NPLOC4: variants seen among roughly 807,000 people sequenced by gnomAD.
The protein encoded by NPLOC4 is NPL4 homolog, ubiquitin recognition factor.
A neutral mutation model predicts 80.6 loss-of-function variants in NPLOC4; 18 were observed. That is an observed-to-expected ratio of 0.22 (90% CI 0.15 to 0.33). The LOEUF (loss-of-function observed/expected upper bound fraction) is 0.33, where lower values mean the gene tolerates loss of function less well. Ranked by LOEUF, NPLOC4 falls within the 10% of genes least tolerant of loss-of-function variation. The pLI is 1.00. For missense variants in NPLOC4, 540 were observed against 786.1 expected, an observed-to-expected ratio of 0.69 and a Z score of 3.74; for synonymous variants, 313 against 301.5, an observed-to-expected ratio of 1.04 and a Z score of -0.39.
At chr17:81,559,465 G>C in intron 16 of NPLOC4, 49 bp from the exon 17 acceptor site, 1 of 1,552,706 alleles carries the variant, frequency 6.4e-7, no homozygotes, top group Non-Finnish European at 8.7e-7. Context: ...GCCCACCAGA[G>C]ACTGCCAGAG....
chr17:81,629,666 TGGCAG>T, intron 2 of NPLOC4, 54 bp downstream of exon 2: 3 of 1,220,222 alleles, frequency 2.5e-6, no homozygotes, highest in Non-Finnish European at 2.4e-6. Flanking sequence ...AAGGTATCGA[TGGCAG>T]TAAGAGTAGA....
Position 81,610,666 on chromosome 17 carries a change from A to C in NPLOC4, c.387-408T>G, listed in dbSNP as rs1034884706. On this transcript the variant is annotated intron_variant, in intron 4 of 16. Transcript: ENST00000331134. ...GGTATCCACTGCTTAAAATGACACAAACCAGGCCGGGCGCGGTGGCTCACG... is the reference window on the plus strand; with the variant it reads ...GGTATCCACTGCTTAAAATGACACACACCAGGCCGGGCGCGGTGGCTCACG... 2.9e-5 allele frequency among the ~76,000 whole-genome samples: 3 copies of C among 102,978 alleles called. 1 individual carries two copies. Among genetic ancestry groups the C allele is most frequent in the Non-Finnish European group, 7.8e-5 (3 of 38,598 alleles). 67.6% of individuals were successfully genotyped at this position (102,978 alleles called of 152,430 possible).
At chr17:81,591,349 C>T (rs774115607) in intron 11 of NPLOC4, among the ~76,000 whole-genome samples, 9 of 148,398 alleles carry the variant, frequency 6.1e-5, no homozygotes, top group Non-Finnish European at 8.9e-5. Flanking sequence ...GCAGGAGAAT[C>T]GCTTGACCCC....
At chr17:81,603,738 A>T (rs929677018) in intron 8 of NPLOC4, among the ~76,000 whole-genome samples, 3 of 152,136 alleles carry the variant, frequency 2.0e-5, no homozygotes, top group Non-Finnish European at 4.4e-5. Context: ...CCATCAATTC[A>T]TTTTATTTTT....
chr17:81,629,456 G>A (rs2035878145), intron 2 of NPLOC4, among the ~76,000 whole-genome samples: 1 of 152,080 alleles, frequency 6.6e-6, no homozygotes, highest in African/African-American at 2.4e-5. Flanking sequence ...CCGAAGTGCT[G>A]GGATTACAGG....
intron 12 of NPLOC4, among the ~76,000 whole-genome samples, chr17:81,575,261 G>A (rs556539470): frequency 1.6e-4 from 25 of 152,194 alleles, no homozygotes; most frequent in South Asian, 4.1e-4. Context: ...CACCACGCCC[G>A]GCTAATTTTT....
chr17:81,634,730 T>C (rs937769967), intron 1 of NPLOC4, among the ~76,000 whole-genome samples: 6 of 151,774 alleles, frequency 4.0e-5, no homozygotes, highest in Admixed American at 2.6e-4. Context: ...GGATAACAGG[T>C]GCATGCCACC....
intron 16 of NPLOC4, 70 bp downstream of exon 16, chr17:81,565,435 G>C: frequency 1.6e-6 from 2 of 1,273,492 alleles, no homozygotes; most frequent in Non-Finnish European, 2.2e-6. Context: ...CGGCAGTGGG[G>C]AGCTGTGCAG....
At chr17:81,613,020 T>G (rs2035383978) in intron 4 of NPLOC4, 1 of 268,030 alleles carries the variant, frequency 3.7e-6, no homozygotes, top group Non-Finnish European at 7.0e-6. Context: ...CAGTAAAGAC[T>G]TGGTGTGAGG....
intron 16 of NPLOC4, among the ~76,000 whole-genome samples, chr17:81,560,068 G>A (rs2033801502): frequency 6.6e-6 from 1 of 151,978 alleles, no homozygotes; most frequent in Non-Finnish European, 1.5e-5. Context: ...AAAGTTGCCA[G>A]GATCATTCTT....
chr17:81,633,129 A>G (rs1056453754), intron 1 of NPLOC4, among the ~76,000 whole-genome samples: 137 of 135,632 alleles, frequency 1.0e-3, no homozygotes, highest in Non-Finnish European at 2.0e-3. Flanking sequence ...CTCCGTCTCA[A>G]AAAAAAAAAA....
At chr17:81,621,534 G>C (rs1345684500) in intron 3 of NPLOC4, among the ~76,000 whole-genome samples, 1 of 152,172 alleles carries the variant, frequency 6.6e-6, no homozygotes, top group Non-Finnish European at 1.5e-5. Flanking sequence ...ATGTGAGTAA[G>C]TGCCCAGATG....
At chr17:81,586,870 C>G (rs985032695) in intron 12 of NPLOC4, among the ~76,000 whole-genome samples, 1 of 152,214 alleles carries the variant, frequency 6.6e-6, no homozygotes, top group African/African-American at 2.4e-5. Context: ...AAATGCAACT[C>G]GGCTCTGACC....
chr17:81,582,752 T>C (rs1055108872), intron 12 of NPLOC4, among the ~76,000 whole-genome samples: 23 of 152,258 alleles, frequency 1.5e-4, no homozygotes, highest in Non-Finnish European at 1.0e-4. Context: ...AAGCGCCTCC[T>C]GGCTGTACAA....
chr17:81,612,470 G>A (rs2035366383), intron 4 of NPLOC4, among the ~76,000 whole-genome samples: 1 of 152,182 alleles, frequency 6.6e-6, no homozygotes, highest in Non-Finnish European at 1.5e-5. Context: ...CCGGCTAATG[G>A]CTATGGCTAC....
At chr17:81,599,901 A>T (rs1017895999) in intron 9 of NPLOC4, among the ~76,000 whole-genome samples, 1 of 152,226 alleles carries the variant, frequency 6.6e-6, no homozygotes, top group African/African-American at 2.4e-5. Context: ...CATGGCACAG[A>T]ACATGAACAC....
At chr17:81,598,651 T>G (rs1408690444) in intron 9 of NPLOC4, among the ~76,000 whole-genome samples, 1 of 152,196 alleles carries the variant, frequency 6.6e-6, no homozygotes, top group Non-Finnish European at 1.5e-5. Context: ...TAGCAGTGCC[T>G]GTGTGCTGTG....
intron 9 of NPLOC4, among the ~76,000 whole-genome samples, chr17:81,599,703 A>T (rs2035014487): frequency 6.6e-6 from 1 of 152,238 alleles, no homozygotes; most frequent in Non-Finnish European, 1.5e-5. Context: ...CTCTACATTA[A>T]TTTATTAAAA....
rs576316925 is a variant in NPLOC4 at position 81,565,965 on chromosome 17, C to T, written c.1567-358G>A. Among the ~76,000 whole-genome samples, 19 of 152,324 alleles carry T rather than the reference C, an allele frequency of 1.2e-4. No homozygotes were observed. The East Asian group carries it at 3.5e-3, about 28-fold the overall frequency. On this transcript the variant is annotated intron_variant, in intron 15 of 16. Coordinates refer to ENST00000331134, the MANE Select transcript of NPLOC4 (RefSeq NM_017921.4). ...GTGTCCTCCTCCCTCACATTTCATC[C>T]CTCTGCCTCTTTCTCCTCTCGTGTC...
Sources: gnomAD v4.1 joint callset for allele counts (sites outside exome capture counted in the v4.1 genomes callset) on GRCh38, gnomAD v4.1.1 for gene constraint, MANE v1.5 for transcripts, NCBI Gene and HGNC (gene_info 2026-07-23, HGNC 2026-07-21) for gene names.